PTPRE: variants seen among roughly 807,000 people sequenced by gnomAD.
The protein encoded by PTPRE is protein tyrosine phosphatase receptor type E.
A neutral mutation model predicts 102.0 loss-of-function variants in PTPRE; 51 were observed. That is an observed-to-expected ratio of 0.50 (90% CI 0.40 to 0.63). PTPRE has a LOEUF of 0.63. PTPRE is among the 30% of genes least tolerant of loss of function. The probability of loss-of-function intolerance (pLI) is 0.00; values close to 1 mark genes in which losing one functional copy is unlikely to be tolerated. For synonymous variants in PTPRE, 345 were observed against 348.2 expected, an observed-to-expected ratio of 0.99 and a Z score of 0.10; for missense variants, 752 against 915.1, an observed-to-expected ratio of 0.82 and a Z score of 2.30.
chr10:128,073,360 C>G lies in PTPRE; in HGVS notation c.1488C>G (p.Phe496Leu). 1 of 1,614,202 alleles carries G rather than the reference C, an allele frequency of 6.2e-7. No individual in the cohort carries two copies. Among genetic ancestry groups the G allele is most frequent in the East Asian group, 2.2e-5 (1 of 44,882 alleles). ...FIDGYRQKDY[F>L]IATQGPLAHT... Reference sequence around the variant, plus strand: ...AGGGCTACCGACAGAAGGACTATTTCATCGCCACCCAGGGGCCACTGGCAC... The same window carrying G: ...AGGGCTACCGACAGAAGGACTATTTGATCGCCACCCAGGGGCCACTGGCAC... Residue 496 changes from phenylalanine (F) to leucine (L), a missense_variant, in exon 17 of 21, where the codon TTC becomes TTG. Physicochemically the swap from Phe to Leu is conservative, Grantham distance 22. Around this residue, in one of 2 missense-constraint regions of PTPRE, gnomAD observed 636 missense variants for 824.4 expected, o/e 0.77. Transcript: ENST00000254667.
intron 2 of PTPRE, among the ~76,000 whole-genome samples, chr10:128,014,020 C>G (rs55747211): frequency 6.6e-6 from 1 of 152,214 alleles, no homozygotes; most frequent in Non-Finnish European, 1.5e-5. Flanking sequence ...CTCTGCCATT[C>G]TCTTGAAGTG....
chr10:127,976,491 G>A (rs1477762493), intron 1 of PTPRE, among the ~76,000 whole-genome samples: 1 of 152,194 alleles, frequency 6.6e-6, no homozygotes, highest in Non-Finnish European at 1.5e-5. Context: ...AGGCAGGGAT[G>A]CACGTGGATC....
At chr10:128,016,858 G>A (rs867546066) in intron 2 of PTPRE, among the ~76,000 whole-genome samples, 2 of 152,234 alleles carry the variant, frequency 1.3e-5, no homozygotes, top group Non-Finnish European at 2.9e-5. Context: ...TTCCTGCCGG[G>A]GAGACCTGTG....
At chr10:127,938,211 T>A (rs886913854) in intron 1 of PTPRE, among the ~76,000 whole-genome samples, 1 of 152,202 alleles carries the variant, frequency 6.6e-6, no homozygotes, top group East Asian at 1.9e-4. Flanking sequence ...AATGAGATAA[T>A]CGTTGTAAAG....
In PTPRE at chr10:127,944,497, T is replaced by A. The variant is rs1485295553; in HGVS notation, c.-31+37188T>A. ...ATGGATGGATGGATGGATGGATGGATGGATGGATGGATGGATGGGTGGATG... is the reference window on the plus strand; with the variant it reads ...ATGGATGGATGGATGGATGGATGGAAGGATGGATGGATGGATGGGTGGATG... On this transcript the variant is annotated intron_variant, in intron 1 of 20. Coordinates refer to ENST00000254667, the MANE Select transcript of PTPRE (RefSeq NM_006504.6). This position sits in a 1 kb window ranked among gnomAD's most constrained non-coding sequence, Gnocchi z 4.2. Among the ~76,000 whole-genome samples, 5 of 89,614 alleles carry A rather than the reference T, an allele frequency of 5.6e-5. No homozygotes were observed. Among genetic ancestry groups the A allele is most frequent in the African/African-American group, 1.6e-4 (4 of 24,314 alleles). The allele number at this position is 89,614 out of a possible 152,430, so 58.8% of individuals were successfully genotyped here. A position where few individuals can be genotyped will look rare whatever the true frequency, so the allele number is the denominator to read the frequency against.
At chr10:127,982,038 C>T (rs1360016969) in intron 1 of PTPRE, among the ~76,000 whole-genome samples, 1 of 152,082 alleles carries the variant, frequency 6.6e-6, no homozygotes, top group African/African-American at 2.4e-5. Context: ...AGTGGCCACA[C>T]CCCACCATCA....
chr10:127,997,398 C>T (rs1853376996), intron 2 of PTPRE, among the ~76,000 whole-genome samples: 1 of 152,208 alleles, frequency 6.6e-6, no homozygotes, highest in South Asian at 2.1e-4. Context: ...GAGGCATCAA[C>T]ATCCTCCCCC....
intron 1 of PTPRE, among the ~76,000 whole-genome samples, chr10:127,926,427 G>A (rs979407377): frequency 2.0e-5 from 3 of 152,184 alleles, no homozygotes; most frequent in South Asian, 4.1e-4. Flanking sequence ...GTTGTTCTGC[G>A]GCAAAGCACA....
intron 2 of PTPRE, among the ~76,000 whole-genome samples, chr10:128,021,002 A>G (rs1845831926): frequency 6.6e-6 from 1 of 150,592 alleles, no homozygotes; most frequent in African/African-American, 2.4e-5. Context: ...GGTTCACGCC[A>G]TTCTGCCTCA....
chr10:128,073,453 G>T lies in PTPRE; in HGVS notation c.1581G>T (p.Glu527Asp). The T allele has an allele frequency of 6.2e-7, 1 of 1,614,074 alleles. No individual in the cohort carries two copies. The highest frequency in any genetic ancestry group is 1.7e-4 in the Middle Eastern group (1 of 6,050). ...CCCACACTATCGTGATGCTGACGGA[G>T]GTGCAGGAGAGAGAGCAGGTGAGGA... ...WKSHTIVMLT[E>D]VQEREQDKCY... The change falls in exon 17 of 21, where the codon GAG becomes GAT. Residue 527 changes from glutamate to aspartate, a missense_variant. Physicochemically the swap from Glu to Asp is conservative, Grantham distance 45. This residue lies in a region of PTPRE where 636 missense variants were observed against 824.4 expected (regional missense o/e 0.77). Coordinates refer to ENST00000254667, the MANE Select transcript of PTPRE (RefSeq NM_006504.6).
chr10:128,052,922 A>G (rs12359291), intron 6 of PTPRE, among the ~76,000 whole-genome samples: 37 of 152,068 alleles, frequency 2.4e-4, no homozygotes, highest in Admixed American at 4.6e-4. Context: ...CCGAGCGGAG[A>G]GAGAAAGGAA....
Position 127,907,587 on chromosome 10 carries a change from G to A in PTPRE, c.-31+278G>A, listed in dbSNP as rs1476642109. 6.6e-6 allele frequency among the ~76,000 whole-genome samples: 1 copy of A among 152,068 alleles called. No individual in the cohort carries two copies. The highest frequency in any genetic ancestry group is 2.4e-5 in the African/African-American group (1 of 41,428). On this transcript the variant is annotated intron_variant, in intron 1 of 20. Coordinates refer to ENST00000254667, the MANE Select transcript of PTPRE (RefSeq NM_006504.6). This position sits in a 1 kb window ranked among gnomAD's most constrained non-coding sequence, Gnocchi z 4.8. ...AGTGGCAGTGCTCACGCTCCCTCTC[G>A]GTAAACAGGAGGAGGGCGCGCGTGT... is the stretch of plus-strand genomic sequence containing the variant.
intron 4 of PTPRE, 95 bp downstream of exon 4, chr10:128,047,584 A>G (rs1848197833): frequency 1.2e-6 from 2 of 1,612,086 alleles, no homozygotes; most frequent in South Asian, 1.1e-5. Flanking sequence ...AGCAGAGGGC[A>G]GCTGAGAGGC....
At chr10:127,991,111 G>A (rs1387110141) in intron 2 of PTPRE, among the ~76,000 whole-genome samples, 2 of 151,238 alleles carry the variant, frequency 1.3e-5, no homozygotes, top group African/African-American at 2.5e-5. Flanking sequence ...ATATCACTCT[G>A]TTCCCCTCTT....
chr10:128,069,805 GC>G lies in PTPRE; in HGVS notation c.1124del (p.Pro375LeufsTer59). ...TTTGTGTCTCGAATCCGTAATCAGC[GC>G]CCTCAGATGGTTCAAACGGATGTGA... Reference protein sequence around the residue: ...FEFVSRIRNQRPQMVQTDMQY... With the variant: ...FEFVSRIRNQXPQMVQTDMQY... On this transcript the variant is annotated frameshift_variant, in exon 13 of 21. Coordinates refer to ENST00000254667, the MANE Select transcript of PTPRE (RefSeq NM_006504.6). LOFTEE classifies it high-confidence loss of function. 1 of 1,614,226 alleles carries G rather than the reference GC, an allele frequency of 6.2e-7. No homozygotes were observed. Among genetic ancestry groups the G allele is most frequent in the East Asian group, 2.2e-5 (1 of 44,882 alleles).
chr10:128,074,367 T>C (rs1851043090), intron 17 of PTPRE, among the ~76,000 whole-genome samples: 1 of 152,224 alleles, frequency 6.6e-6, no homozygotes. Flanking sequence ...TTGGAGCTAT[T>C]ATAAATAGTG....
intron 1 of PTPRE, among the ~76,000 whole-genome samples, chr10:127,971,913 C>T (rs945779557): frequency 6.6e-5 from 10 of 152,186 alleles, no homozygotes; most frequent in African/African-American, 1.2e-4. Context: ...AACTTCATGC[C>T]GTTTTCCTAA....
intron 1 of PTPRE, among the ~76,000 whole-genome samples, chr10:127,938,648 A>G (rs1168195750): frequency 6.6e-6 from 1 of 152,222 alleles, no homozygotes; most frequent in Non-Finnish European, 1.5e-5. Context: ...ATTACTTTTT[A>G]TAGCTTTAAG....
intron 2 of PTPRE, among the ~76,000 whole-genome samples, chr10:127,995,853 ACACG>A (rs1042755703): frequency 1.8e-4 from 26 of 140,588 alleles, no homozygotes; most frequent in East Asian, 6.6e-4. Flanking sequence ...ACACACACAC[ACACG>A]CACGCAAAGT....
Sources: allele counts gnomAD v4.1 joint callset (sites outside exome capture counted in the v4.1 genomes callset), GRCh38; gene constraint gnomAD v4.1.1; regional missense constraint gnomAD v4.1.1; non-coding constraint Gnocchi (gnomAD v3.1); transcripts MANE v1.5; gene names NCBI Gene and HGNC (gene_info 2026-07-23, HGNC 2026-07-21).